Variants in PFKP observed in about 807,000 individuals in gnomAD.
PFKP encodes phosphofructokinase, platelet.
A neutral mutation model predicts 94.3 loss-of-function variants in PFKP; 101 were observed. The ratio of observed to expected loss-of-function variants is 1.07; its 90% CI spans 0.91 to 1.26. The LOEUF is 1.26. PFKP is among the 50% of genes most tolerant of loss of function. The pLI is 0.00. For synonymous variants in PFKP, 573 were observed against 432.6 expected (o/e 1.32, Z -4.03); for missense variants, 1,145 against 1,103.3 (o/e 1.04, Z -0.53).
At chr10:3,122,080 C>G (rs1837489820) in intron 16 of PFKP, among the ~76,000 whole-genome samples, 1 of 152,064 alleles carries the variant, frequency 6.6e-6, no homozygotes, top group Non-Finnish European at 1.5e-5. Context: ...GTCTTGGGCT[C>G]TCAAAGCACA....
At chr10:3,067,806 G>A (rs895625311) in intron 1 of PFKP, 99 bp downstream of exon 1, 1 of 432,086 alleles carries the variant, frequency 2.3e-6, no homozygotes, top group Non-Finnish European at 3.9e-6. Flanking sequence ...GAGGGGGGAA[G>A]CGATGGGGGG....
chr10:3,118,199 C>T (rs184078726), intron 14 of PFKP, among the ~76,000 whole-genome samples: 26 of 152,232 alleles, frequency 1.7e-4, no homozygotes, highest in African/African-American at 5.5e-4. Flanking sequence ...TTGGGCACGG[C>T]GGCTCACACC....
At position 3,110,323 on chromosome 10, in the gene PFKP, C is replaced by T. The variant is rs1021435593; in HGVS notation, c.1089+843C>T. ...ACGCCATTCTCCTGCCTCAGCCTTC[C>T]GAGTAGCTGGGACTACAGGTGCCCA... is the stretch of plus-strand genomic sequence containing the variant. On this transcript the variant is annotated intron_variant, in intron 10 of 21. Coordinates refer to ENST00000381125, the MANE Select transcript of PFKP (RefSeq NM_002627.5). Among the ~76,000 whole-genome samples the T allele has an allele frequency of 4.6e-5, 7 of 150,974 alleles. No individual in the cohort carries two copies. The South Asian group carries it at 6.3e-4, about 14-fold the overall frequency.
At chr10:3,069,124 G>C (rs1454904582) in intron 1 of PFKP, 2 of 592,858 alleles carry the variant, frequency 3.4e-6, no homozygotes, top group Non-Finnish European at 4.6e-6. Context: ...CAGGCCCGCA[G>C]CGCAGCCTCC....
intron 16 of PFKP, 57 bp downstream of exon 16, chr10:3,120,101 C>G: frequency 6.5e-7 from 1 of 1,530,856 alleles, no homozygotes; most frequent in Admixed American, 1.7e-5. Context: ...CCCGGGGCCC[C>G]GGCCCTTTTT....
At chr10:3,077,690 G>A (rs1832729746) in intron 1 of PFKP, among the ~76,000 whole-genome samples, 1 of 152,192 alleles carries the variant, frequency 6.6e-6, no homozygotes, top group Non-Finnish European at 1.5e-5. Flanking sequence ...GGTGACTTAA[G>A]TCATGCTTGC....
At chr10:3,084,452 G>A (rs1468860646) in intron 2 of PFKP, among the ~76,000 whole-genome samples, 1 of 152,086 alleles carries the variant, frequency 6.6e-6, no homozygotes, top group Non-Finnish European at 1.5e-5. Context: ...TCGTGTCATT[G>A]TTGTTTGCTT....
At chr10:3,069,275 G>T (rs2131364153) in intron 1 of PFKP, 2 of 1,500,022 alleles carry the variant, frequency 1.3e-6, no homozygotes, top group South Asian at 2.6e-5. Context: ...TTCCTGCAGG[G>T]CTGGGTTCTC....
In PFKP at chr10:3,118,845, G is replaced by A. The variant is rs373707523; in HGVS notation, c.1506G>A (p.Ala502=). 32 of 1,613,148 alleles carry A rather than the reference G, an allele frequency of 2.0e-5. No individual in the cohort carries two copies. Among genetic ancestry groups the A allele is most frequent in the African/African-American group, 4.0e-5 (3 of 74,900 alleles). Residue 502 remains alanine (A), a synonymous_variant, in exon 15 of 22, where the codon GCG becomes GCA. Coordinates refer to ENST00000381125, the MANE Select transcript of PFKP (RefSeq NM_002627.5). ...ATQMRTHSIN[A]LLIIGGFEAY... is the part of the protein sequence containing the mutation. ...AGATGCGCACGCACAGCATCAACGCGCTGCTGATCATCGGTGGATTCGAGG... is the reference window on the plus strand; with the variant it reads ...AGATGCGCACGCACAGCATCAACGCACTGCTGATCATCGGTGGATTCGAGG...
chr10:3,094,092 G>A lies in PFKP; in HGVS notation c.187-5183G>A, dbSNP rs553172666. On this transcript the variant is annotated intron_variant, in intron 2 of 21. Transcript: ENST00000381125. ...AGTGAACATTTCAAACTGCAGAAGAGCACCATCTCCCTTCACCACCACCTC... is the reference window on the plus strand; with the variant it reads ...AGTGAACATTTCAAACTGCAGAAGAACACCATCTCCCTTCACCACCACCTC... Among the ~76,000 whole-genome samples, 36 of 152,232 alleles carry A rather than the reference G, an allele frequency of 2.4e-4. No homozygotes were observed. The South Asian group carries it at 6.8e-3, about 29-fold the overall frequency.
At chr10:3,124,377 G>C (rs1295559835) in intron 16 of PFKP, among the ~76,000 whole-genome samples, 1 of 152,190 alleles carries the variant, frequency 6.6e-6, no homozygotes, top group East Asian at 1.9e-4. Flanking sequence ...CCCTGAGGTG[G>C]AGTCTGAAAA....
In PFKP at chr10:3,097,092, C is replaced by CAAAAAAA. The variant is rs1331910256; in HGVS notation, c.187-2182_187-2176dup. 3.1e-5 allele frequency among the ~76,000 whole-genome samples: 3 copies of CAAAAAAA among 95,630 alleles called. 1 individual carries two copies. Among genetic ancestry groups the CAAAAAAA allele is most frequent in the Admixed American group, 3.0e-4 (3 of 9,914 alleles). The allele number at this position is 95,630 out of a possible 152,430, so 62.7% of individuals were successfully genotyped here. A position where few individuals can be genotyped will look rare whatever the true frequency, so the allele number is the denominator to read the frequency against. On this transcript the variant is annotated intron_variant, in intron 2 of 21. Coordinates refer to ENST00000381125, the MANE Select transcript of PFKP (RefSeq NM_002627.5). ...GACTCCGTCTCAAAAAAACAAAAAA[C>CAAAAAAA]AAAAAAACCTGGGAGTTTGGGGTGG...
intron 1 of PFKP, among the ~76,000 whole-genome samples, chr10:3,071,623 G>T (rs940082286): frequency 6.6e-6 from 1 of 152,116 alleles, no homozygotes; most frequent in African/African-American, 2.4e-5. Flanking sequence ...GTGACTCATT[G>T]TCTTAGTCAC....
At chr10:3,084,062 A>G (rs1398615417) in intron 2 of PFKP, among the ~76,000 whole-genome samples, 1 of 152,170 alleles carries the variant, frequency 6.6e-6, no homozygotes, top group African/African-American at 2.4e-5. Flanking sequence ...CCCGTTTTTT[A>G]AGCTATTGTA....
chr10:3,119,345 C>T (rs180957258), intron 15 of PFKP, among the ~76,000 whole-genome samples: 1,832 of 152,334 alleles, frequency 0.012, 19 homozygotes, highest in Middle Eastern at 0.02. Context: ...GTGGCTCACG[C>T]CTGTAATCTC....
At chr10:3,081,244 C>A (rs1203737180) in intron 1 of PFKP, among the ~76,000 whole-genome samples, 2 of 152,178 alleles carry the variant, frequency 1.3e-5, no homozygotes, top group Non-Finnish European at 2.9e-5. Flanking sequence ...GCATCGCTGA[C>A]CTGGCCCAAT....
rs1310554283 is a variant in PFKP at position 3,097,532 on chromosome 10, G to T, written c.187-1743G>T. Among the ~76,000 whole-genome samples the T allele has an allele frequency of 3.3e-5, 5 of 152,138 alleles. No individual in the cohort carries two copies. In the East Asian group the frequency reaches 9.6e-4, roughly 29 times the overall value. Reference sequence around the variant, plus strand: ...TCTGCTGTTTTGCCATGGAGGTAGGGGGCCTGGTGATGGGCAGTCCCTGTA... The same window carrying T: ...TCTGCTGTTTTGCCATGGAGGTAGGTGGCCTGGTGATGGGCAGTCCCTGTA... On this transcript the variant is annotated intron_variant, in intron 2 of 21. Coordinates refer to ENST00000381125, the MANE Select transcript of PFKP (RefSeq NM_002627.5).
intron 7 of PFKP, among the ~76,000 whole-genome samples, chr10:3,106,622 C>T (rs1320862888): frequency 7.8e-4 from 35 of 44,866 alleles, no homozygotes; most frequent in African/African-American, 1.6e-3. Context: ...CCTGCCACTG[C>T]CCCTTCACCC....
Position 3,136,712 on chromosome 10 carries a change from C to T in PFKP, c.*133C>T. 1.1e-6 allele frequency: 1 copy of T among 875,658 alleles called. No individual in the cohort carries two copies. Among genetic ancestry groups the T allele is most frequent in the East Asian group, 2.8e-5 (1 of 35,658 alleles). The allele number at this position is 875,658 out of a possible 1,614,324, so 54.2% of individuals were successfully genotyped here. On this transcript the variant is annotated 3_prime_UTR_variant, in exon 22 of 22. Coordinates refer to ENST00000381125, the MANE Select transcript of PFKP (RefSeq NM_002627.5). ...ATCGGCGAGTGCCCATCTGCCCCAC[C>T]TGCTCCAGTGCGTGCTGTCTGTGGA...
Sources: allele counts gnomAD v4.1 joint callset (sites outside exome capture counted in the v4.1 genomes callset), GRCh38; gene constraint gnomAD v4.1.1; transcripts MANE v1.5; gene names NCBI Gene and HGNC (gene_info 2026-07-23, HGNC 2026-07-21).